Variants in L1CAM observed in about 807,000 individuals in gnomAD.
L1CAM encodes the protein L1 cell adhesion molecule, also known as neural cell adhesion molecule L1.
A neutral mutation model predicts 93.0 loss-of-function variants in L1CAM; 8 were observed. The ratio of observed to expected loss-of-function variants is 0.09; its 90% CI spans 0.05 to 0.16. The LOEUF (loss-of-function observed/expected upper bound fraction) is 0.16. L1CAM is among the 10% of genes least tolerant of loss of function. L1CAM has a pLI of 1.00. For missense variants in L1CAM, 777 were observed against 1,073.4 expected (o/e 0.72, Z 3.86); for synonymous variants, 453 against 453.0 (o/e 1.00, Z 0.00).
rs782341083 is a variant in L1CAM, at chrX:153,862,795, G to A, written c.3642C>T (p.Ser1214=). ...CATCCTCGTTGAACTGAACATCCAC[G>A]CTGCCCCCATAATCGGCCAGGCTGT... ...SDDSLADYGG[S]VDVQFNEDGS... The change falls in exon 29 of 29, where the codon AGC becomes AGT. Residue 1214 remains serine, a synonymous_variant. Coordinates refer to ENST00000370060, the MANE Select transcript of L1CAM (RefSeq NM_001278116.2). 4.2e-5 allele frequency: 51 copies of A among 1,210,601 alleles called. No homozygotes were observed. In the South Asian group the frequency reaches 6.9e-4, roughly 16 times the overall value.
chrX:153,880,355 C>A, intron 1 of L1CAM: 1 of 190,960 alleles, frequency 5.2e-6, no homozygotes, highest in South Asian at 6.8e-5. Flanking sequence ...CAGGTTCTGC[C>A]TGGAGTTCCT....
At chrX:153,873,344 C>T (rs2064789428) in intron 2 of L1CAM, 102 bp from the exon 3 acceptor site, 1 of 871,024 alleles carries the variant, frequency 1.1e-6, no homozygotes, top group Non-Finnish European at 1.7e-6. Context: ...GCTCCTGCAG[C>T]CCCCCCGTGG....
chrX:153,862,821 C>T lies in L1CAM; in HGVS notation c.3616G>A (p.Asp1206Asn), dbSNP rs2064675088. The T allele has an allele frequency of 1.6e-6, 2 of 1,212,190 alleles. No individual in the cohort carries two copies. The highest frequency in any genetic ancestry group is 2.2e-6 in the Non-Finnish European group (2 of 895,506). Residue 1206 changes from aspartate to asparagine, a missense_variant, in exon 29 of 29, where the codon GAC becomes AAC. Physicochemically the swap from Asp to Asn is conservative, Grantham distance 23. Transcript: ENST00000370060. Reference protein sequence around the residue: ...NGDIKPLGSDDSLADYGGSVD... With the variant: ...NGDIKPLGSDNSLADYGGSVD... ...CTGCCCCCATAATCGGCCAGGCTGT[C>T]GTCACTGCCCAGGGGCTTGATGTCC...
At chrX:153,883,503 C>T (rs963597927) in intron 1 of L1CAM, among the ~76,000 whole-genome samples, 3 of 112,115 alleles carry the variant, frequency 2.7e-5, no homozygotes, top group Admixed American at 1.9e-4. Context: ...AGTAAGACAG[C>T]GACTGCAGGG....
chrX:153,876,147 G>A (rs782323028), intron 1 of L1CAM: 133 of 436,926 alleles, frequency 3.0e-4, no homozygotes, highest in Non-Finnish European at 4.6e-4. Context: ...GATAGCCCTG[G>A]CTGGGCCTCT....
intron 2 of L1CAM, among the ~76,000 whole-genome samples, chrX:153,874,006 T>C (rs2064794661): frequency 8.9e-6 from 1 of 112,267 alleles, no homozygotes; most frequent in Non-Finnish European, 1.9e-5. Context: ...AGTGTGAAGG[T>C]CCAGGGAGGG....
intron 1 of L1CAM, among the ~76,000 whole-genome samples, chrX:153,878,309 G>T (rs1043828303): frequency 1.8e-5 from 2 of 113,141 alleles, no homozygotes; most frequent in Non-Finnish European, 3.7e-5. Flanking sequence ...CCCAAGAAGA[G>T]CTGTGAATGC....
intron 3 of L1CAM, chrX:153,872,987 CA>C: frequency 4.4e-6 from 2 of 454,056 alleles, no homozygotes; most frequent in Non-Finnish European, 7.7e-6. Flanking sequence ...GGACAAACCC[CA>C]GACAGGGGAG....
chrX:153,876,181 ACT>A (rs1419697368), intron 1 of L1CAM: 4 of 418,417 alleles, frequency 9.6e-6, no homozygotes, highest in East Asian at 7.9e-5. Flanking sequence ...TTCCCTCTCT[ACT>A]CTCTGTCTGC....
In L1CAM at chrX:153,875,927, G is replaced by A; in HGVS notation, c.-91C>T. 1 of 688,313 alleles carries A rather than the reference G, an allele frequency of 1.5e-6. No homozygotes were observed. The highest frequency in any genetic ancestry group is 2.2e-6 in the Non-Finnish European group (1 of 447,430). 56.7% of individuals were successfully genotyped at this position (688,313 alleles called of 1,213,427 possible). ...GGGGCTGGTGGGCGGCTTGGGGCGG[G>A]AGTTGGGAGTGGGGGCACTGGGAGA... On this transcript the variant is annotated 5_prime_UTR_variant, in exon 2 of 29. Transcript: ENST00000370060.
At chrX:153,876,498 T>C (rs1557094611) in intron 1 of L1CAM, 1 of 128,356 alleles carries the variant, frequency 7.8e-6, no homozygotes, top group Non-Finnish European at 1.6e-5. Flanking sequence ...TGAATCCCTG[T>C]ATCTATTATC....
In L1CAM at chrX:153,863,622, C is replaced by T. The variant is rs782197388; in HGVS notation, c.3458-73G>A. On this transcript the variant is annotated intron_variant, in intron 26 of 28. Coordinates refer to ENST00000370060, the MANE Select transcript of L1CAM (RefSeq NM_001278116.2). ...CGGGGCTCCAGGCCCCTCTACGCCC[C>T]GCACCCCCAGCACTCTGTCTCAACA... 605 of 985,598 alleles carry T rather than the reference C, an allele frequency of 6.1e-4. 1 individual carries two copies. Among genetic ancestry groups the T allele is most frequent in the Non-Finnish European group, 8.3e-4 (587 of 703,770 alleles). The allele number at this position is 985,598 out of a possible 1,213,427, so 81.2% of individuals were successfully genotyped here.
At chrX:153,880,079 T>C (rs1557095417) in intron 1 of L1CAM, among the ~76,000 whole-genome samples, 6 of 111,555 alleles carry the variant, frequency 5.4e-5, no homozygotes, top group Admixed American at 4.7e-4. Flanking sequence ...CCTTGCCCCA[T>C]CCCACCCCAC....
At chrX:153,876,380 G>A (rs1365971998) in intron 1 of L1CAM, 1 of 180,506 alleles carries the variant, frequency 5.5e-6, no homozygotes, top group African/African-American at 3.0e-5. Context: ...TTCTCTGGGA[G>A]GGGTTGCACT....
intron 5 of L1CAM, among the ~76,000 whole-genome samples, chrX:153,871,407 G>A (rs1464027794): frequency 4.5e-5 from 5 of 111,029 alleles, no homozygotes; most frequent in Non-Finnish European, 9.5e-5. Context: ...GAGACCAGGA[G>A]GCCAGGAAGG....
At chrX:153,883,914 G>T (rs1193459510) in intron 1 of L1CAM, 2 of 341,310 alleles carry the variant, frequency 5.9e-6, no homozygotes, top group Non-Finnish European at 1.2e-5. Context: ...ACACAGGCCT[G>T]TCTCCTCGAC....
rs1387424271 is a variant in L1CAM, at chrX:153,870,398, C to G, written c.796G>C (p.Ala266Pro). ...QGQPLVLECI[A>P]EGFPTPTIKW... ...GGTTCCCAGACTCACAAGCCCTCGG[C>G]GATGCACTCCAGGACCAATGGCTGC... is the stretch of plus-strand genomic sequence containing the variant. Residue 266 changes from alanine (A) to proline (P), a missense_variant, in exon 8 of 29, where the codon GCC becomes CCC. Ala to Pro is a conservative substitution (Grantham distance 27). This residue lies in a region of L1CAM where 574 missense variants were observed against 781.0 expected (regional missense o/e 0.73). Transcript: ENST00000370060. 1 of 1,208,530 alleles carries G rather than the reference C, an allele frequency of 8.3e-7. No homozygotes were observed. Among genetic ancestry groups the G allele is most frequent in the African/African-American group, 1.7e-5 (1 of 57,551 alleles).
chrX:153,869,718 A>C, intron 10 of L1CAM, 55 bp from the exon 11 acceptor site: 1 of 1,201,181 alleles, frequency 8.3e-7, no homozygotes, highest in Admixed American at 2.2e-5. Context: ...AGCTGCGTTG[A>C]GGCCCTTCCT....
chrX:153,869,323 C>G (rs912005335), intron 11 of L1CAM, among the ~76,000 whole-genome samples, 197 bp downstream of exon 11: 2 of 112,560 alleles, frequency 1.8e-5, no homozygotes, highest in Non-Finnish European at 3.8e-5. Context: ...GTGACAAGAC[C>G]TTTCCCCTCT....
Sources: gnomAD v4.1 joint callset for allele counts (sites outside exome capture counted in the v4.1 genomes callset) on GRCh38, gnomAD v4.1.1 for gene constraint, gnomAD v4.1.1 regional missense constraint, MANE v1.5 for transcripts, NCBI Gene and HGNC (gene_info 2026-07-23, HGNC 2026-07-21) for gene names.